MDN1: variants seen among roughly 807,000 people sequenced by gnomAD.
MDN1 encodes midasin AAA ATPase 1.
MDN1 carries 266 observed loss-of-function variants against 669.2 expected under a neutral mutation model. That is an observed-to-expected ratio of 0.40 (90% CI 0.36 to 0.44). The LOEUF is 0.44. MDN1 is among the 20% of genes least tolerant of loss of function. The pLI is 1.00. For synonymous variants in MDN1, 2,385 were observed against 2,457.1 expected, an observed-to-expected ratio of 0.97 and a Z score of 0.87; for missense variants, 5,940 against 6,754.0, an observed-to-expected ratio of 0.88 and a Z score of 4.22.
chr6:89,684,628 A>G (rs1011829781), intron 71 of MDN1, among the ~76,000 whole-genome samples: 3 of 152,112 alleles, frequency 2.0e-5, no homozygotes, highest in Admixed American at 6.5e-5. Context: ...GGGGAACACA[A>G]ACAGATTTCT....
rs891427206 is a variant in MDN1, at chr6:89,744,646, G to A, written c.4178+627C>T. On this transcript the variant is annotated intron_variant, in intron 29 of 101. Coordinates refer to ENST00000369393, the MANE Select transcript of MDN1 (RefSeq NM_014611.3). ...TCGAACTCCTGAGCTCAAGTGATCC[G>A]CCTGCCTCAGCCTCCCAAAGTTCTG... Among the ~76,000 whole-genome samples the A allele has an allele frequency of 5.3e-5, 8 of 151,956 alleles. No homozygotes were observed. The East Asian group carries it at 1.2e-3, about 22-fold the overall frequency.
chr6:89,719,046 A>G lies in MDN1; in HGVS notation c.6058-16T>C. 6.2e-7 allele frequency: 1 copy of G among 1,613,994 alleles called. No homozygotes were observed. Among genetic ancestry groups the G allele is most frequent in the Non-Finnish European group, 8.5e-7 (1 of 1,179,832 alleles). The stretch of plus-strand genomic sequence containing the variant: ...AGTAGCCCAACTGAAAAGACATGCC[A>G]GTGAGATTTCCATAAGCGTGCCTGG... On this transcript the variant is annotated splice_polypyrimidine_tract_variant and intron_variant, in intron 41 of 101. Coordinates refer to ENST00000369393, the MANE Select transcript of MDN1 (RefSeq NM_014611.3).
chr6:89,790,354 A>G lies in MDN1; in HGVS notation c.903T>C (p.Ser301=). 6.2e-7 allele frequency: 1 copy of G among 1,614,164 alleles called. No individual in the cohort carries two copies. Among genetic ancestry groups the G allele is most frequent in the Non-Finnish European group, 8.5e-7 (1 of 1,180,030 alleles). ...SSREQELALR[S]YVLVESVCKS... ...TGCAGACAGACTCAACCAGCACATA[A>G]GACCTAAGGGCCAGCTCCTGTTCAC... Residue 301 remains serine, a synonymous_variant, in exon 6 of 102, where the codon TCT becomes TCC. Coordinates refer to ENST00000369393, the MANE Select transcript of MDN1 (RefSeq NM_014611.3).
chr6:89,681,358 G>C (rs1452031564), intron 73 of MDN1, among the ~76,000 whole-genome samples: 1 of 152,116 alleles, frequency 6.6e-6, no homozygotes, highest in African/African-American at 2.4e-5. Context: ...ATTTTTAATA[G>C]AGATGGGGTT....
intron 59 of MDN1, among the ~76,000 whole-genome samples, chr6:89,698,370 A>C (rs1357075294): frequency 6.6e-6 from 1 of 152,240 alleles, no homozygotes; most frequent in Non-Finnish European, 1.5e-5. Flanking sequence ...AAACTTCAAC[A>C]CTTTATCGGT....
intron 1 of MDN1, among the ~76,000 whole-genome samples, chr6:89,816,456 A>G (rs965625249): frequency 6.6e-6 from 1 of 150,684 alleles, no homozygotes; most frequent in Non-Finnish European, 1.5e-5. Context: ...AATCATTTAC[A>G]GGCTAGGCTT....
At position 89,643,996 on chromosome 6, in the gene MDN1, C is replaced by G; in HGVS notation, c.*9G>C. 6.3e-7 allele frequency: 1 copy of G among 1,595,216 alleles called. No individual in the cohort carries two copies. The highest frequency in any genetic ancestry group is 8.5e-7 in the Non-Finnish European group (1 of 1,171,182). On this transcript the variant is annotated 3_prime_UTR_variant, in exon 102 of 102. Transcript: ENST00000369393. ...CAGTTAAGTCTCACTTTGGACTCTT[C>G]TTTCTGTTCTATGGGTGGTCAGAGG...
intron 70 of MDN1, among the ~76,000 whole-genome samples, 191 bp downstream of exon 70, chr6:89,685,636 C>G (rs766014840): frequency 2.0e-5 from 3 of 152,208 alleles, no homozygotes; most frequent in Non-Finnish European, 4.4e-5. Context: ...CTAGTCAGTA[C>G]TAAACTTATA....
Position 89,662,896 on chromosome 6 carries a change from C to T in MDN1, c.14308G>A (p.Glu4770Lys). Residue 4770 changes from glutamate to lysine, a missense_variant, in exon 86 of 102, where the codon GAA becomes AAA. Physicochemically the swap from Glu to Lys is moderately conservative, Grantham distance 56. Transcript: ENST00000369393. ...AGCCTCTCATCTAGTTTGTCAGCTT[C>T]CTCACCATTGAGATCGCCCATGTGT... ...DKHMGDLNGE[E>K]ADKLDERLWG... The T allele has an allele frequency of 6.2e-7, 1 of 1,614,136 alleles. No homozygotes were observed. Among genetic ancestry groups the T allele is most frequent in the Non-Finnish European group, 8.5e-7 (1 of 1,180,020 alleles).
chr6:89,740,775 G>A (rs547710010), intron 31 of MDN1, among the ~76,000 whole-genome samples: 20 of 152,140 alleles, frequency 1.3e-4, no homozygotes, highest in Non-Finnish European at 2.5e-4. Context: ...CTAATAATAC[G>A]TGCTGAAATA....
intron 99 of MDN1, among the ~76,000 whole-genome samples, chr6:89,647,128 A>AT (rs1196141324): frequency 6.6e-6 from 1 of 152,204 alleles, no homozygotes; most frequent in African/African-American, 2.4e-5. Flanking sequence ...TTTCTCTAAC[A>AT]TATAACCCAC....
In MDN1 at chr6:89,738,377, T is replaced by C. The variant is rs758881916; in HGVS notation, c.4672A>G (p.Ile1558Val). The change falls in exon 33 of 102, where the codon ATC (isoleucine) becomes GTC (valine). Residue 1558 changes from isoleucine to valine, a missense_variant. By Grantham distance (29) the Ile-to-Val change is conservative. This residue lies in a region of MDN1 where 2,292 missense variants were observed against 2,638.3 expected (regional missense o/e 0.87). Coordinates refer to ENST00000369393, the MANE Select transcript of MDN1 (RefSeq NM_014611.3). ...STSREDLIQI[I>V]SHNLRPGLCL... The stretch of plus-strand genomic sequence containing the variant: ...AATCCTGGACGAAGATTATGACTGA[T>C]GATCTGAATTAAATCTTCACGGCTT... The C allele has an allele frequency of 1.9e-6, 3 of 1,613,974 alleles. No homozygotes were observed. Among genetic ancestry groups the C allele is most frequent in the Non-Finnish European group, 2.5e-6 (3 of 1,179,864 alleles).
At chr6:89,736,815 A>G (rs1190873854) in intron 33 of MDN1, among the ~76,000 whole-genome samples, 1 of 152,102 alleles carries the variant, frequency 6.6e-6, no homozygotes, top group Non-Finnish European at 1.5e-5. Context: ...AAAAGTCTGT[A>G]TTATACTTCT....
At chr6:89,648,989 T>TAAAAA (rs35332439) in intron 97 of MDN1, among the ~76,000 whole-genome samples, 2 of 135,020 alleles carry the variant, frequency 1.5e-5, no homozygotes, top group Non-Finnish European at 3.2e-5. Flanking sequence ...ACCCTGTCTT[T>TAAAAA]AAAAAAAAAA....
At chr6:89,646,725 C>T in intron 99 of MDN1, 122 bp from the exon 100 acceptor site, 2 of 766,306 alleles carry the variant, frequency 2.6e-6, no homozygotes, top group Non-Finnish European at 4.4e-6. Flanking sequence ...GGTTTACAGA[C>T]CATCAACTAA....
chr6:89,756,326 A>G lies in MDN1; in HGVS notation c.2767T>C (p.Tyr923His), dbSNP rs1584323805. The change falls in exon 20 of 102, where the codon TAT becomes CAT. Residue 923 changes from tyrosine to histidine, a missense_variant. Coordinates refer to ENST00000369393, the MANE Select transcript of MDN1 (RefSeq NM_014611.3). ...KEDLQVLIVD[Y>H]LKGLSVNKNT... The stretch of plus-strand genomic sequence containing the variant: ...TTGTTCACACTCAATCCTTTCAGAT[A>G]ATCTACAATAAGAACCTGTAAGTCT... 1.9e-6 allele frequency: 3 copies of G among 1,603,540 alleles called. No individual in the cohort carries two copies. The highest frequency in any genetic ancestry group is 4.5e-5 in the East Asian group (2 of 44,590).
At chr6:89,670,325 C>A (rs561360786) in intron 83 of MDN1, among the ~76,000 whole-genome samples, 1 of 150,812 alleles carries the variant, frequency 6.6e-6, no homozygotes, top group Non-Finnish European at 1.5e-5. Context: ...CAGGCACATG[C>A]CACCACGCCC....
In MDN1 at chr6:89,662,780, T is replaced by A; in HGVS notation, c.14412+12A>T. 1.2e-6 allele frequency: 2 copies of A among 1,613,576 alleles called. No homozygotes were observed. The highest frequency in any genetic ancestry group is 4.5e-5 in the East Asian group (2 of 44,870). ...CTCAGCTTGTTTGGGAGGGGAGAAA[T>A]CTTTGAATTACCTCATCCATTCCTG... On this transcript the variant is annotated intron_variant, in intron 86 of 101. Transcript: ENST00000369393.
intron 33 of MDN1, among the ~76,000 whole-genome samples, chr6:89,735,046 A>G (rs923578747): frequency 2.0e-5 from 3 of 151,858 alleles, no homozygotes; most frequent in African/African-American, 7.3e-5. Flanking sequence ...GCCTGCCACA[A>G]CGCCCAGCTA....
Sources: allele counts gnomAD v4.1 joint callset (sites outside exome capture counted in the v4.1 genomes callset), GRCh38; gene constraint gnomAD v4.1.1; regional missense constraint gnomAD v4.1.1; transcripts MANE v1.5; gene names NCBI Gene and HGNC (gene_info 2026-07-23, HGNC 2026-07-21).